RBFOX1: variants seen among roughly 807,000 people sequenced by gnomAD.
RBFOX1 encodes the protein RNA binding protein fox-1 homolog 1.
RBFOX1 carries 8 observed loss-of-function variants against 57.7 expected under a neutral mutation model. That is an observed-to-expected ratio of 0.14 (90% CI 0.08 to 0.25). The LOEUF (loss-of-function observed/expected upper bound fraction) is 0.25. Ranked by LOEUF, RBFOX1 falls within the 10% of genes least tolerant of loss-of-function variation. The probability of loss-of-function intolerance (pLI) is 1.00; values close to 1 mark genes in which losing one functional copy is unlikely to be tolerated. For synonymous variants in RBFOX1, 326 were observed against 222.4 expected (o/e 1.47, Z -4.15); for missense variants, 611 against 548.5 (o/e 1.11, Z -1.14).
chr16:5,305,787 G>A (rs2151207777), intron 1 of RBFOX1, among the ~76,000 whole-genome samples: 1 of 152,316 alleles, frequency 6.6e-6, no homozygotes, highest in Middle Eastern at 3.4e-3. Flanking sequence ...GCCAGATGCG[G>A]TGGCTTATCC....
At chr16:6,000,160 A>C (rs1293367749) in intron 4 of RBFOX1, among the ~76,000 whole-genome samples, 3 of 152,100 alleles carry the variant, frequency 2.0e-5, no homozygotes, top group African/African-American at 7.2e-5. Flanking sequence ...TAACTCATCT[A>C]CATTTACAGG....
intron 3 of RBFOX1, among the ~76,000 whole-genome samples, chr16:5,683,872 A>G (rs1289521475): frequency 1.3e-5 from 2 of 151,062 alleles, no homozygotes; most frequent in Non-Finnish European, 2.9e-5. Flanking sequence ...ACCTATATGT[A>G]TGTAAAATTG....
At chr16:5,614,441 G>A (rs973276604) in intron 3 of RBFOX1, among the ~76,000 whole-genome samples, 1 of 152,086 alleles carries the variant, frequency 6.6e-6, no homozygotes, top group Non-Finnish European at 1.5e-5. Flanking sequence ...GCACAGAGTC[G>A]TTCCAATGTG....
intron 3 of RBFOX1, among the ~76,000 whole-genome samples, chr16:6,862,600 A>G (rs992438689): frequency 6.6e-6 from 1 of 152,218 alleles, no homozygotes; most frequent in Non-Finnish European, 1.5e-5. Flanking sequence ...TGTTACAGGC[A>G]GAGGAAGTGA....
At chr16:7,471,823 G>C (rs1016515282) in intron 4 of RBFOX1, among the ~76,000 whole-genome samples, 2 of 152,132 alleles carry the variant, frequency 1.3e-5, no homozygotes, top group Non-Finnish European at 2.9e-5. Context: ...GAGCTCCAGG[G>C]CCTGACCCAC....
At chr16:5,885,025 ACT>A (rs1347184994) in intron 4 of RBFOX1, among the ~76,000 whole-genome samples, 1 of 151,740 alleles carries the variant, frequency 6.6e-6, no homozygotes, top group Non-Finnish European at 1.5e-5. Flanking sequence ...GTAAAATGAC[ACT>A]CTGTTTTGTA....
chr16:7,623,839 G>A (rs568974060), intron 10 of RBFOX1, among the ~76,000 whole-genome samples: 10 of 152,272 alleles, frequency 6.6e-5, no homozygotes, highest in African/African-American at 2.4e-4. Context: ...GTTTCCCTGT[G>A]TGTCCTCATC....
chr16:7,271,541 C>T (rs938569389), intron 4 of RBFOX1, among the ~76,000 whole-genome samples: 3 of 151,906 alleles, frequency 2.0e-5, no homozygotes, highest in Admixed American at 6.6e-5. Flanking sequence ...AAGATACGTG[C>T]ATGTTAGTAT....
chr16:6,984,146 C>G (rs1281770478), intron 3 of RBFOX1, among the ~76,000 whole-genome samples: 1 of 152,142 alleles, frequency 6.6e-6, no homozygotes, highest in Non-Finnish European at 1.5e-5. Flanking sequence ...ACTTGGGAGG[C>G]TGAGGCAGGA....
chr16:6,319,053 G>T (rs1048253894), intron 2 of RBFOX1, among the ~76,000 whole-genome samples: 6 of 152,004 alleles, frequency 3.9e-5, no homozygotes, highest in African/African-American at 1.2e-4. Context: ...ATCTAAGCTG[G>T]CCACATGCCT....
At chr16:6,733,201 A>G (rs554819258) in intron 3 of RBFOX1, among the ~76,000 whole-genome samples, 1 of 152,332 alleles carries the variant, frequency 6.6e-6, no homozygotes, top group African/African-American at 2.4e-5. Context: ...GTGCTTCTTC[A>G]CTATTTATTT....
intron 2 of RBFOX1, among the ~76,000 whole-genome samples, chr16:6,446,475 T>G (rs1177375731): frequency 6.6e-5 from 10 of 152,316 alleles, no homozygotes. Context: ...TCAAGTAACA[T>G]AGAAGGGACC....
intron 1 of RBFOX1, among the ~76,000 whole-genome samples, chr16:6,165,774 A>T (rs758359751): frequency 6.6e-6 from 1 of 152,162 alleles, no homozygotes; most frequent in Admixed American, 6.5e-5. Flanking sequence ...GGAGTTAACA[A>T]TTGCTAAGGG....
At chr16:6,996,016 C>G (rs532436710) in intron 3 of RBFOX1, among the ~76,000 whole-genome samples, 37 of 152,338 alleles carry the variant, frequency 2.4e-4, no homozygotes, top group African/African-American at 8.7e-4. Context: ...CAAATCTAAA[C>G]TTCTCAACTT....
chr16:6,178,942 G>A (rs1183059514), intron 1 of RBFOX1, among the ~76,000 whole-genome samples: 1 of 152,126 alleles, frequency 6.6e-6, no homozygotes, highest in Non-Finnish European at 1.5e-5. Context: ...CAAATTAGGG[G>A]CCAAAATTCC....
At chr16:5,454,522 G>A (rs531360800) in intron 1 of RBFOX1, among the ~76,000 whole-genome samples, 1 of 152,308 alleles carries the variant, frequency 6.6e-6, no homozygotes, top group African/African-American at 2.4e-5. Context: ...CCTCTACAAT[G>A]TGGGTGGGCT....
chr16:7,319,802 C>T (rs1401133197), intron 4 of RBFOX1, among the ~76,000 whole-genome samples: 1 of 152,092 alleles, frequency 6.6e-6, no homozygotes, highest in Non-Finnish European at 1.5e-5. Context: ...GCCCTCCCTG[C>T]TCAAGTTGCC....
rs113520835 is a variant in RBFOX1 at position 7,478,536 on chromosome 16, C to T, written c.28-39611C>T. 3.1e-3 allele frequency among the ~76,000 whole-genome samples: 467 copies of T among 152,272 alleles called. 5 individuals are homozygous for T. The highest frequency in any genetic ancestry group is 0.01 in the African/African-American group (436 of 41,562). ...GTCCCTGGTACCATGTCTGAAGTTC[C>T]TTCTAACCCTGAGGTCCTTGATGCT... On this transcript the variant is annotated intron_variant, in intron 4 of 15. Transcript: ENST00000550418.
At chr16:5,552,484 C>T (rs1273756112) in intron 2 of RBFOX1, among the ~76,000 whole-genome samples, 6 of 152,148 alleles carry the variant, frequency 3.9e-5, no homozygotes, top group African/African-American at 1.4e-4. Context: ...AACTGCAGAC[C>T]AGGAAAGTTT....
Sources: allele counts gnomAD v4.1 joint callset (sites outside exome capture counted in the v4.1 genomes callset), GRCh38; gene constraint gnomAD v4.1.1; transcripts MANE v1.5; gene names NCBI Gene and HGNC (gene_info 2026-07-23, HGNC 2026-07-21).